The following NDRG3 variants were observed in gnomAD, a reference collection of about 807,000 sequenced individuals.
NDRG3 encodes the protein protein NDRG3.
A neutral mutation model predicts 57.2 loss-of-function variants in NDRG3; 23 were observed. That is an observed-to-expected ratio of 0.40 (90% CI 0.29 to 0.57). NDRG3 has a LOEUF of 0.57. Ranked by LOEUF, NDRG3 falls within the 20% of genes least tolerant of loss-of-function variation. NDRG3 has a pLI of 0.42. For synonymous variants in NDRG3, 132 were observed against 162.6 expected, an observed-to-expected ratio of 0.81 and a Z score of 1.43; for missense variants, 384 against 457.3, an observed-to-expected ratio of 0.84 and a Z score of 1.46.
At chr20:36,707,757 G>A (rs1411983684) in intron 2 of NDRG3, among the ~76,000 whole-genome samples, 1 of 152,122 alleles carries the variant, frequency 6.6e-6, no homozygotes, top group Non-Finnish European at 1.5e-5. Context: ...CATTTTTCCA[G>A]CATTCCAGAT....
At chr20:36,743,388 G>A (rs1393669412) in intron 1 of NDRG3, among the ~76,000 whole-genome samples, 1 of 152,156 alleles carries the variant, frequency 6.6e-6, no homozygotes, top group East Asian at 1.9e-4. Context: ...CAGCTACTTG[G>A]GTGGCTGAGG....
In NDRG3 at chr20:36,680,841, C is replaced by T; in HGVS notation, c.506G>A (p.Gly169Asp). The stretch of plus-strand genomic sequence containing the variant: ...TTTGGAAGCTGCCCAGTCAATCCAG[C>T]CTTTAGCGCAAGGGTCAACATTAAT... ...VLINVDPCAK[G>D]WIDWAASKLS... Residue 169 changes from glycine (G) to aspartate (D), a missense_variant, in exon 8 of 16, where the codon GGC (glycine) becomes GAC (aspartate). Physicochemically the swap from Gly to Asp is moderately conservative, Grantham distance 94. Transcript: ENST00000349004. 1 of 1,614,082 alleles carries T rather than the reference C, an allele frequency of 6.2e-7. No individual in the cohort carries two copies. The highest frequency in any genetic ancestry group is 8.5e-7 in the Non-Finnish European group (1 of 1,179,968).
intron 13 of NDRG3, among the ~76,000 whole-genome samples, chr20:36,659,791 G>A (rs1978998013): frequency 6.6e-6 from 1 of 151,742 alleles, no homozygotes; most frequent in Non-Finnish European, 1.5e-5. Flanking sequence ...AGTAGAGACG[G>A]GGTTTCACCA....
At chr20:36,715,004 G>GTATATATATA (rs1163522116) in intron 2 of NDRG3, among the ~76,000 whole-genome samples, 1 of 32,494 alleles carries the variant, frequency 3.1e-5, no homozygotes, top group Non-Finnish European at 6.0e-5. Context: ...GTGTGTGTGT[G>GTATATATATA]TGTATATATA....
chr20:36,677,689 T>G (rs763203704), intron 8 of NDRG3, among the ~76,000 whole-genome samples: 3 of 152,178 alleles, frequency 2.0e-5, no homozygotes, highest in Non-Finnish European at 4.4e-5. Context: ...CTCCAGGGCC[T>G]CCTGTCGGCA....
chr20:36,664,266 T>A (rs951563888), intron 12 of NDRG3, among the ~76,000 whole-genome samples: 7 of 152,180 alleles, frequency 4.6e-5, no homozygotes, highest in Non-Finnish European at 1.0e-4. Context: ...CAGGTCTACG[T>A]AAGGCAAAAA....
In NDRG3 at chr20:36,673,443, A is replaced by C. The variant is rs77027940; in HGVS notation, c.532-2046T>G. Among the ~76,000 whole-genome samples, 27 of 151,644 alleles carry C rather than the reference A, an allele frequency of 1.8e-4. No homozygotes were observed. The East Asian group carries it at 4.9e-3, about 28-fold the overall frequency. ...AGACAGGGTCTCGTTCTCTTGTTCT[A>C]TCACCCAGGCTGGAGTGAAGTGGTG... On this transcript the variant is annotated intron_variant, in intron 8 of 15. Transcript: ENST00000349004.
intron 3 of NDRG3, among the ~76,000 whole-genome samples, chr20:36,694,320 CCTT>C (rs1017408664): frequency 1.7e-4 from 26 of 152,200 alleles, no homozygotes; most frequent in Admixed American, 6.5e-5. Flanking sequence ...CAGTACCAAT[CCTT>C]CTTCCACTGT....
intron 5 of NDRG3, among the ~76,000 whole-genome samples, chr20:36,686,149 T>C (rs1203659361): frequency 6.6e-6 from 1 of 152,226 alleles, no homozygotes; most frequent in African/African-American, 2.4e-5. Context: ...GATGGTGTGC[T>C]GTGGAACCAT....
intron 1 of NDRG3, among the ~76,000 whole-genome samples, chr20:36,738,367 T>A (rs1433237824): frequency 6.9e-6 from 1 of 145,766 alleles, no homozygotes; most frequent in Non-Finnish European, 1.5e-5. Flanking sequence ...TGGTGGCAGG[T>A]ACCTATAATC....
intron 3 of NDRG3, among the ~76,000 whole-genome samples, chr20:36,703,939 A>G (rs73105187): frequency 0.091 from 13,926 of 152,218 alleles, 837 homozygotes; most frequent in Admixed American, 0.14. Context: ...ATATGTATGG[A>G]AAAAAAATCT....
At chr20:36,745,777 G>A (rs1986158919) in intron 1 of NDRG3, among the ~76,000 whole-genome samples, 1 of 151,822 alleles carries the variant, frequency 6.6e-6, no homozygotes, top group African/African-American at 2.4e-5. Flanking sequence ...AGGGTGTTGA[G>A]CCCGGAGGGA....
intron 12 of NDRG3, among the ~76,000 whole-genome samples, chr20:36,663,273 T>C (rs1979355643): frequency 6.6e-6 from 1 of 152,170 alleles, no homozygotes; most frequent in South Asian, 2.1e-4. Context: ...GCGAATGTTA[T>C]CCTTTCACAT....
At chr20:36,690,929 T>C (rs1600905513) in intron 3 of NDRG3, among the ~76,000 whole-genome samples, 2 of 151,626 alleles carry the variant, frequency 1.3e-5, no homozygotes, top group South Asian at 4.2e-4. Context: ...GCACTAAGAG[T>C]GGTTGGGTGG....
chr20:36,669,093 G>C (rs957421943), intron 9 of NDRG3, among the ~76,000 whole-genome samples: 12 of 148,966 alleles, frequency 8.1e-5, no homozygotes, highest in Non-Finnish European at 1.0e-4. Context: ...TTTCGCTCTT[G>C]TTGCCCATGC....
intron 10 of NDRG3, 96 bp from the exon 11 acceptor site, chr20:36,665,397 G>C: frequency 9.1e-7 from 1 of 1,102,834 alleles, no homozygotes; most frequent in Non-Finnish European, 1.4e-6. Flanking sequence ...ATCAAGGAAT[G>C]CGAAACTATC....
At chr20:36,661,772 C>T (rs1310295272) in intron 12 of NDRG3, among the ~76,000 whole-genome samples, 5 of 152,102 alleles carry the variant, frequency 3.3e-5, no homozygotes, top group African/African-American at 1.2e-4. Context: ...GAGCAGTGGC[C>T]TACATGATAG....
intron 12 of NDRG3, among the ~76,000 whole-genome samples, chr20:36,662,142 T>C (rs1032408648): frequency 6.6e-6 from 1 of 152,158 alleles, no homozygotes; most frequent in African/African-American, 2.4e-5. Context: ...AATCATGCTT[T>C]CCTTGGTTCA....
At chr20:36,704,199 C>A (rs1289002599) in intron 3 of NDRG3, among the ~76,000 whole-genome samples, 1 of 152,136 alleles carries the variant, frequency 6.6e-6, no homozygotes, top group African/African-American at 2.4e-5. Context: ...GCCTCAGCCT[C>A]CTGAGTAGCT....
Sources: allele counts gnomAD v4.1 joint callset (sites outside exome capture counted in the v4.1 genomes callset), GRCh38; gene constraint gnomAD v4.1.1; transcripts MANE v1.5; gene names NCBI Gene and HGNC (gene_info 2026-07-23, HGNC 2026-07-21).